Variants in NUP205 observed in about 807,000 individuals in gnomAD.
NUP205 encodes nuclear pore complex protein Nup205.
NUP205 carries 76 observed loss-of-function variants against 253.8 expected under a neutral mutation model. That is an observed-to-expected ratio of 0.30 (90% CI 0.25 to 0.36). NUP205 has a LOEUF of 0.36. Among genes scored for constraint, NUP205 ranks in the 10% least tolerant of loss-of-function variants. The pLI is 1.00. For missense variants in NUP205, 2,162 were observed against 2,425.5 expected (o/e 0.89, Z 2.28); for synonymous variants, 832 against 850.1 (o/e 0.98, Z 0.37).
intron 25 of NUP205, 144 bp downstream of exon 25, chr7:135,616,870 T>C (rs1410301548): frequency 3.2e-6 from 2 of 627,388 alleles, no homozygotes; most frequent in Non-Finnish European, 2.5e-6. Context: ...CACCTGAAAA[T>C]TTTTTTTATA....
intron 33 of NUP205, 50 bp downstream of exon 33, chr7:135,626,411 T>G (rs748802429): frequency 1.3e-6 from 2 of 1,561,032 alleles, no homozygotes; most frequent in Non-Finnish European, 1.7e-6. Context: ...AAAGGATTAT[T>G]AAGGGAAGAA....
At chr7:135,591,291 A>C (rs1806622222) in intron 10 of NUP205, among the ~76,000 whole-genome samples, 159 bp from the exon 11 acceptor site, 1 of 152,262 alleles carries the variant, frequency 6.6e-6, no homozygotes, top group South Asian at 2.1e-4. Context: ...TGACAAGCTT[A>C]AACAATTTTT....
chr7:135,598,082 A>G lies in NUP205; in HGVS notation c.2149A>G (p.Ser717Gly). ...CCAGCTTATTAGTACTCTGGTGGAG[A>G]GCTCATTTCCTTCTAATTTGGGTGC... ...FCQLISTLVE[S>G]SFPSNLGAGL... The change falls in exon 15 of 43, where the codon AGC becomes GGC. Residue 717 changes from serine to glycine, a missense_variant. Ser to Gly is a moderately conservative substitution (Grantham distance 56). Coordinates refer to ENST00000285968, the MANE Select transcript of NUP205 (RefSeq NM_015135.3). The G allele has an allele frequency of 6.2e-7, 1 of 1,613,930 alleles. No individual in the cohort carries two copies. The highest frequency in any genetic ancestry group is 8.5e-7 in the Non-Finnish European group (1 of 1,179,930).
At chr7:135,568,776 CTT>C in intron 1 of NUP205, among the ~76,000 whole-genome samples, 1 of 152,202 alleles carries the variant, frequency 6.6e-6, no homozygotes, top group Non-Finnish European at 1.5e-5. Context: ...TCTGAATTCT[CTT>C]TCATGCTTTC....
intron 7 of NUP205, among the ~76,000 whole-genome samples, chr7:135,583,523 G>A (rs1806367916): frequency 6.6e-6 from 1 of 152,140 alleles, no homozygotes. Context: ...ACTTTGGGAG[G>A]CCGAGATGGG....
At position 135,602,807 on chromosome 7, in the gene NUP205, A is replaced by G. The variant is rs779645805; in HGVS notation, c.2515A>G (p.Lys839Glu). 6.2e-7 allele frequency: 1 copy of G among 1,602,416 alleles called. No homozygotes were observed. Among genetic ancestry groups the G allele is most frequent in the South Asian group, 1.2e-5 (1 of 86,582 alleles). Reference protein sequence around the residue: ...QLDTYAPFPGKKHLEKAVQHC... With the variant: ...QLDTYAPFPGEKHLEKAVQHC... The stretch of plus-strand genomic sequence containing the variant: ...CTAACTTTATTTTTGGTTGATAGGG[A>G]AAAAACACCTGGAGAAAGCAGTACA... The change falls in exon 18 of 43, where the codon AAA becomes GAA. Residue 839 changes from lysine to glutamate, a missense_variant and splice_region_variant. Transcript: ENST00000285968.
At position 135,635,688 on chromosome 7, in the gene NUP205, T is replaced by G. The variant is rs768713313; in HGVS notation, c.5136+31T>G. The G allele has an allele frequency of 3.1e-6, 4 of 1,294,032 alleles. No homozygotes were observed. In the Admixed American group the frequency reaches 7.1e-5, roughly 23 times the overall value. 80.2% of individuals were successfully genotyped at this position (1,294,032 alleles called of 1,614,324 possible). Reference sequence around the variant, plus strand: ...TGATTCTTATTTCTTTAAATAGCAGTTATAAGACATGTTACAAAATATACC... The same window carrying G: ...TGATTCTTATTTCTTTAAATAGCAGGTATAAGACATGTTACAAAATATACC... On this transcript the variant is annotated intron_variant, in intron 36 of 42. Coordinates refer to ENST00000285968, the MANE Select transcript of NUP205 (RefSeq NM_015135.3).
At position 135,576,847 on chromosome 7, in the gene NUP205, A is replaced by G. The variant is rs188495480; in HGVS notation, c.489-122A>G. ...CAGTGAGCCATGATCACGCCACTGC[A>G]CTCCAGCCTGGGTGACAGAGCAAGG... On this transcript the variant is annotated intron_variant, in intron 4 of 42. Transcript: ENST00000285968. 4,493 of 870,916 alleles carry G rather than the reference A, an allele frequency of 5.2e-3. 23 individuals carry two copies. Among genetic ancestry groups the G allele is most frequent in the Non-Finnish European group, 7.0e-3 (4,072 of 580,254 alleles). The allele number at this position is 870,916 out of a possible 1,614,324, so 53.9% of individuals were successfully genotyped here.
chr7:135,605,104 G>A (rs1465926614), intron 19 of NUP205, among the ~76,000 whole-genome samples: 1 of 151,764 alleles, frequency 6.6e-6, no homozygotes, highest in Non-Finnish European at 1.5e-5. Flanking sequence ...CACCCAGGCT[G>A]GGGTGCAGTG....
At chr7:135,626,580 C>T (rs1246244550) in intron 33 of NUP205, among the ~76,000 whole-genome samples, 2 of 104,954 alleles carry the variant, frequency 1.9e-5, no homozygotes, top group African/African-American at 7.2e-5. Flanking sequence ...GTGTACTTGC[C>T]CAATGTTATT....
intron 1 of NUP205, among the ~76,000 whole-genome samples, chr7:135,563,227 G>A (rs1292057796): frequency 1.3e-5 from 2 of 151,806 alleles, no homozygotes; most frequent in Non-Finnish European, 2.9e-5. Flanking sequence ...TTACTCTGTA[G>A]CCCAGGCTGG....
intron 1 of NUP205, among the ~76,000 whole-genome samples, chr7:135,559,451 A>T (rs117653628): frequency 0.011 from 1,636 of 151,856 alleles, 13 homozygotes; most frequent in Non-Finnish European, 0.019. Flanking sequence ...GCTCGCTGCA[A>T]CCTCTGCCTC....
rs936632914 is a variant in NUP205 at position 135,638,758 on chromosome 7, C to T, written c.5392+75C>T. 2.8e-6 allele frequency: 4 copies of T among 1,421,724 alleles called. No individual in the cohort carries two copies. The African/African-American group carries it at 4.3e-5, about 15-fold the overall frequency. 88.1% of individuals were successfully genotyped at this position (1,421,724 alleles called of 1,614,324 possible). On this transcript the variant is annotated intron_variant, in intron 38 of 42. Transcript: ENST00000285968. Reference sequence around the variant, plus strand: ...ATGACATAGCTCTCCAGCTTGGCTCCAGTAAGATGCAGTATTTTCTTTTAA... The same window carrying T: ...ATGACATAGCTCTCCAGCTTGGCTCTAGTAAGATGCAGTATTTTCTTTTAA...
At chr7:135,562,796 G>A (rs892117447) in intron 1 of NUP205, among the ~76,000 whole-genome samples, 1 of 151,816 alleles carries the variant, frequency 6.6e-6, no homozygotes, top group Non-Finnish European at 1.5e-5. Flanking sequence ...TGCCCGCCTC[G>A]GTATCCCAAA....
intron 4 of NUP205, 50 bp from the exon 5 acceptor site, chr7:135,576,919 A>T: frequency 6.5e-7 from 1 of 1,542,804 alleles, no homozygotes; most frequent in Non-Finnish European, 8.8e-7. Flanking sequence ...ATTATGAAGA[A>T]GCATAAACAA....
At position 135,616,717 on chromosome 7, in the gene NUP205, G is replaced by A. The variant is rs1241895000; in HGVS notation, c.3523G>A (p.Ala1175Thr). ...SVSGFLHFDT[A>T]TKVRRKILNI... is the part of the protein sequence containing the mutation. ...TTCTGGGTTCCTTCACTTTGACACTGCTACAAAAGGTAATGCCCTTTGAAT... is the reference window on the plus strand; with the variant it reads ...TTCTGGGTTCCTTCACTTTGACACTACTACAAAAGGTAATGCCCTTTGAAT... Residue 1175 changes from alanine (A) to threonine (T), a missense_variant, in exon 25 of 43, where the codon GCT becomes ACT. This residue lies in a region of NUP205 where 1,144 missense variants were observed against 1,280.9 expected (regional missense o/e 0.89). Coordinates refer to ENST00000285968, the MANE Select transcript of NUP205 (RefSeq NM_015135.3). 2 of 1,549,212 alleles carry A rather than the reference G, an allele frequency of 1.3e-6. No homozygotes were observed. The highest frequency in any genetic ancestry group is 8.7e-7 in the Non-Finnish European group (1 of 1,149,566).
intron 10 of NUP205, among the ~76,000 whole-genome samples, chr7:135,590,562 G>T (rs1806602450): frequency 6.7e-6 from 1 of 149,140 alleles, no homozygotes; most frequent in Admixed American, 6.7e-5. Context: ...TTTGGAGACG[G>T]AGTCTCTGTT....
chr7:135,638,688 G>A lies in NUP205; in HGVS notation c.5392+5G>A. On this transcript the variant is annotated splice_donor_5th_base_variant and intron_variant, in intron 38 of 42. Coordinates refer to ENST00000285968, the MANE Select transcript of NUP205 (RefSeq NM_015135.3). ...ATAGAGATGGACCGCGGCAAGGTGA[G>A]CTTAGTTTTTCATTCTGTATTGAAG... The A allele has an allele frequency of 6.2e-7, 1 of 1,614,140 alleles. No individual in the cohort carries two copies. Among genetic ancestry groups the A allele is most frequent in the Non-Finnish European group, 8.5e-7 (1 of 1,180,012 alleles).
At chr7:135,567,973 C>A (rs1402151415) in intron 1 of NUP205, among the ~76,000 whole-genome samples, 1 of 152,172 alleles carries the variant, frequency 6.6e-6, no homozygotes, top group African/African-American at 2.4e-5. Flanking sequence ...TGCCAGTAAT[C>A]CCAGCACTTT....
Sources: gnomAD v4.1 joint callset for allele counts (sites outside exome capture counted in the v4.1 genomes callset) on GRCh38, gnomAD v4.1.1 for gene constraint, gnomAD v4.1.1 regional missense constraint, MANE v1.5 for transcripts, NCBI Gene and HGNC (gene_info 2026-07-23, HGNC 2026-07-21) for gene names.